ASTN2: variants seen among roughly 807,000 people sequenced by gnomAD.
ASTN2 encodes astrotactin 2, also known as astrotactin-2.
A neutral mutation model predicts 139.8 loss-of-function variants in ASTN2; 54 were observed. The observed-to-expected ratio is 0.39, with a 90% confidence interval of 0.31 to 0.48. The LOEUF (loss-of-function observed/expected upper bound fraction) is 0.48. ASTN2 is among the 20% of genes least tolerant of loss of function. The pLI is 0.95. For missense variants in ASTN2, 1,565 were observed against 1,725.1 expected (o/e 0.91, Z 1.64); for synonymous variants, 756 against 719.5 (o/e 1.05, Z -0.81).
At chr9:116,847,887 G>A (rs1832487756) in intron 11 of ASTN2, among the ~76,000 whole-genome samples, 1 of 152,192 alleles carries the variant, frequency 6.6e-6, no homozygotes, top group Admixed American at 6.5e-5. Context: ...CTGAGGTGCA[G>A]AGATGTAAGA....
intron 2 of ASTN2, among the ~76,000 whole-genome samples, chr9:117,258,965 T>C (rs1339975748): frequency 1.3e-5 from 2 of 152,154 alleles, no homozygotes; most frequent in African/African-American, 2.4e-5. Context: ...AAAGAATCAG[T>C]ATATAACTTT....
chr9:116,515,622 G>A (rs1460803099), intron 19 of ASTN2, among the ~76,000 whole-genome samples: 2 of 152,140 alleles, frequency 1.3e-5, no homozygotes, highest in African/African-American at 4.8e-5. Context: ...TGGACTTCTG[G>A]TAGCCTGAGA....
At chr9:117,169,397 A>G (rs1830740561) in intron 3 of ASTN2, among the ~76,000 whole-genome samples, 1 of 152,090 alleles carries the variant, frequency 6.6e-6, no homozygotes, top group Admixed American at 6.6e-5. Context: ...AGAAAGGAAG[A>G]GGCACGTGGG....
intron 10 of ASTN2, among the ~76,000 whole-genome samples, chr9:116,942,743 T>C (rs974723142): frequency 2.6e-5 from 4 of 152,168 alleles, no homozygotes; most frequent in South Asian, 2.1e-4. Context: ...CATTTCTAGA[T>C]GACTTTCAGA....
intron 5 of ASTN2, among the ~76,000 whole-genome samples, chr9:117,068,457 G>A (rs1250719520): frequency 1.1e-5 from 1 of 94,896 alleles, no homozygotes; most frequent in Non-Finnish European, 2.2e-5. Flanking sequence ...AAGGATATTG[G>A]TCGAAAATTC....
chr9:117,169,744 A>AG (rs945809675), intron 3 of ASTN2, among the ~76,000 whole-genome samples: 99 of 141,950 alleles, frequency 7.0e-4, no homozygotes, highest in Middle Eastern at 7.1e-3. Context: ...GGGGTGGGGC[A>AG]GGGGGCTGGT....
chr9:116,609,111 A>C (rs1440919929), intron 19 of ASTN2, among the ~76,000 whole-genome samples: 1 of 151,984 alleles, frequency 6.6e-6, no homozygotes, highest in East Asian at 1.9e-4. Context: ...AAAGTGACTG[A>C]ATATACATGT....
chr9:116,865,050 A>G lies in ASTN2; in HGVS notation c.1890-1317T>C, dbSNP rs574317543. Among the ~76,000 whole-genome samples the G allele has an allele frequency of 3.2e-4, 49 of 152,222 alleles. 1 individual carries two copies. The highest frequency in any genetic ancestry group is 1.2e-3 in the African/African-American group (49 of 41,538). Reference sequence around the variant, plus strand: ...CCAGCCACATTTACCCTCTCCTCACATCTCTATCCACTAGGCACAGGCCTC... The same window carrying G: ...CCAGCCACATTTACCCTCTCCTCACGTCTCTATCCACTAGGCACAGGCCTC... On this transcript the variant is annotated intron_variant, in intron 10 of 22. Coordinates refer to ENST00000313400, the MANE Select transcript of ASTN2 (RefSeq NM_001365068.1).
At chr9:117,307,268 G>A (rs1048792198) in intron 1 of ASTN2, among the ~76,000 whole-genome samples, 7 of 152,168 alleles carry the variant, frequency 4.6e-5, no homozygotes, top group Non-Finnish European at 8.8e-5. Context: ...ACATATGGCT[G>A]TTTCCTCATA....
intron 19 of ASTN2, among the ~76,000 whole-genome samples, chr9:116,514,769 C>G (rs918068157): frequency 6.6e-6 from 1 of 152,194 alleles, no homozygotes; most frequent in African/African-American, 2.4e-5. Context: ...GTAAGCGAGG[C>G]TCCATGGGCA....
At chr9:116,459,449 A>T (rs1341206190) in intron 20 of ASTN2, among the ~76,000 whole-genome samples, 2 of 152,088 alleles carry the variant, frequency 1.3e-5, no homozygotes, top group Non-Finnish European at 2.9e-5. Context: ...GCCTCAAAGA[A>T]CACTATCAAA....
intron 1 of ASTN2, among the ~76,000 whole-genome samples, chr9:117,408,095 T>G (rs949003449): frequency 6.6e-6 from 1 of 152,016 alleles, no homozygotes; most frequent in Admixed American, 6.5e-5. Context: ...ATCAGTTGGA[T>G]ACTCAGGCAG....
intron 10 of ASTN2, among the ~76,000 whole-genome samples, chr9:116,951,337 C>CAA (rs386416039): frequency 0.025 from 854 of 34,070 alleles, 233 homozygotes; most frequent in African/African-American, 0.1. Context: ...AACTCTGTCT[C>CAA]AAAAAAAAAA....
chr9:117,388,128 A>G (rs1052751794), intron 1 of ASTN2, among the ~76,000 whole-genome samples: 1 of 152,198 alleles, frequency 6.6e-6, no homozygotes, highest in Non-Finnish European at 1.5e-5. Flanking sequence ...TTCCATTTGA[A>G]GAAAGGCTTT....
At chr9:117,071,199 T>C (rs1828112012) in intron 5 of ASTN2, among the ~76,000 whole-genome samples, 3 of 151,728 alleles carry the variant, frequency 2.0e-5, no homozygotes, top group Admixed American at 2.0e-4. Context: ...GGTGTGGATG[T>C]CCTTTCTGTT....
intron 16 of ASTN2, among the ~76,000 whole-genome samples, chr9:116,663,334 T>C (rs1858674023): frequency 6.6e-6 from 1 of 152,106 alleles, no homozygotes; most frequent in Non-Finnish European, 1.5e-5. Context: ...AGGGGGAGGT[T>C]GCCAGTTTCA....
intron 1 of ASTN2, among the ~76,000 whole-genome samples, chr9:117,319,137 A>ATGAGCTTT (rs1249210290): frequency 1.3e-5 from 2 of 152,140 alleles, no homozygotes; most frequent in Admixed American, 6.5e-5. Flanking sequence ...CTTTGTATGG[A>ATGAGCTTT]TGAGCTTTTT....
At chr9:116,742,750 T>A (rs1829127545) in intron 13 of ASTN2, among the ~76,000 whole-genome samples, 1 of 150,536 alleles carries the variant, frequency 6.6e-6, no homozygotes, top group Admixed American at 6.7e-5. Context: ...CCTGGCCCCA[T>A]AAATATGTGC....
chr9:116,524,537 C>T (rs570546333), intron 19 of ASTN2, among the ~76,000 whole-genome samples: 35 of 152,272 alleles, frequency 2.3e-4, no homozygotes, highest in African/African-American at 8.2e-4. Flanking sequence ...AGTTCCAGTT[C>T]AGCTTTCCTG....
Sources: gnomAD v4.1 joint callset for allele counts (sites outside exome capture counted in the v4.1 genomes callset) on GRCh38, gnomAD v4.1.1 for gene constraint, MANE v1.5 for transcripts, NCBI Gene and HGNC (gene_info 2026-07-23, HGNC 2026-07-21) for gene names.